The following CELF2 variants were observed in gnomAD, a reference collection of about 807,000 sequenced individuals.
CELF2 encodes the protein CUGBP Elav-like family member 2, also known as CUG triplet repeat RNA-binding protein 2.
CELF2 carries 8 observed loss-of-function variants against 62.6 expected under a neutral mutation model. The ratio of observed to expected loss-of-function variants is 0.13; its 90% CI spans 0.07 to 0.23. The LOEUF (loss-of-function observed/expected upper bound fraction) is 0.23. Among genes scored for constraint, CELF2 ranks in the 10% least tolerant of loss-of-function variants. The probability of loss-of-function intolerance (pLI) is 1.00; values close to 1 mark genes in which losing one functional copy is unlikely to be tolerated. For missense variants in CELF2, 333 were observed against 671.0 expected (o/e 0.50, Z 5.56); for synonymous variants, 258 against 250.0 (o/e 1.03, Z -0.30).
At chr10:10,891,051 A>C (rs1304464092) in intron 1 of CELF2, among the ~76,000 whole-genome samples, 1 of 144,958 alleles carries the variant, frequency 6.9e-6, no homozygotes, top group African/African-American at 2.6e-5. Flanking sequence ...ACAACAACAA[A>C]ACCCAGCCTA....
Position 11,329,436 on chromosome 10 carries a change from A to C in CELF2, c.*383A>C, listed in dbSNP as rs2095928966. 1 of 153,234 alleles carries C rather than the reference A, an allele frequency of 6.5e-6. No homozygotes were observed. 9.5% of individuals were successfully genotyped at this position (153,234 alleles called of 1,614,324 possible). A position where few individuals can be genotyped will look rare whatever the true frequency, so the allele number is the denominator to read the frequency against. The stretch of plus-strand genomic sequence containing the variant: ...GGCAAACAAACAAACGCTAATGTGC[A>C]ATTCTAACTCTGAAACCACTGGTGC... On this transcript the variant is annotated 3_prime_UTR_variant, in exon 13 of 13. Transcript: ENST00000633077. This position sits in a 1 kb window ranked among gnomAD's most constrained non-coding sequence, Gnocchi z 5.5.
chr10:10,971,343 C>T (rs900271621), intron 2 of CELF2, among the ~76,000 whole-genome samples: 7 of 152,212 alleles, frequency 4.6e-5, no homozygotes, highest in East Asian at 1.9e-4. Context: ...CTGTTGAGCA[C>T]GTACGCTTCC....
Position 11,178,165 on chromosome 10 carries a change from A to G in CELF2, c.271+12483A>G, listed in dbSNP as rs1432806047. Among the ~76,000 whole-genome samples the G allele has an allele frequency of 6.6e-6, 1 of 152,174 alleles. No individual in the cohort carries two copies. Among genetic ancestry groups the G allele is most frequent in the African/African-American group, 2.4e-5 (1 of 41,442 alleles). On this transcript the variant is annotated intron_variant, in intron 2 of 12. Coordinates refer to ENST00000633077, the MANE Select transcript of CELF2 (RefSeq NM_001326342.2). The surrounding 1 kb of genome is among the most constrained non-coding windows in gnomAD (Gnocchi z 4.3). ...GCAACCTGGTTCGGCGCAAAGAGGAAATGCGCGTTCTGTGCCCAGTCCTCG... is the reference window on the plus strand; with the variant it reads ...GCAACCTGGTTCGGCGCAAAGAGGAGATGCGCGTTCTGTGCCCAGTCCTCG...
chr10:10,649,014 G>T, the CELF2 span, among the ~76,000 whole-genome samples: 1 of 152,158 alleles, frequency 6.6e-6, no homozygotes, highest in Non-Finnish European at 1.5e-5. Context: ...TTGTAACTTT[G>T]CAAGGCTGAA....
At chr10:10,776,023 A>G in the CELF2 span, among the ~76,000 whole-genome samples, 2 of 152,354 alleles carry the variant, frequency 1.3e-5, no homozygotes, top group East Asian at 3.9e-4. Context: ...GAAATATACC[A>G]GATGTGCTCA....
chr10:11,200,601 G>A (rs2059003066), intron 2 of CELF2, among the ~76,000 whole-genome samples: 1 of 152,228 alleles, frequency 6.6e-6, no homozygotes, highest in Non-Finnish European at 1.5e-5. Flanking sequence ...ACATGGTGCA[G>A]GGTCTCCCTC....
chr10:11,068,140 T>C (rs2140862043), intron 1 of CELF2, among the ~76,000 whole-genome samples: 1 of 152,372 alleles, frequency 6.6e-6, no homozygotes, highest in South Asian at 2.1e-4. Context: ...GAGAACCTAC[T>C]GTGTGTCATG....
the CELF2 span, among the ~76,000 whole-genome samples, chr10:10,646,310 G>T: frequency 1.1e-4 from 17 of 152,192 alleles, no homozygotes; most frequent in Admixed American, 2.0e-4. Context: ...CATGAACAAA[G>T]ACAGAGTATG....
At chr10:10,939,915 C>G (rs1192225577) in intron 2 of CELF2, among the ~76,000 whole-genome samples, 1 of 152,134 alleles carries the variant, frequency 6.6e-6, no homozygotes. Flanking sequence ...GACCGCACCA[C>G]TGCACTCTAG....
chr10:10,767,935 G>A, the CELF2 span, among the ~76,000 whole-genome samples: 2 of 123,678 alleles, frequency 1.6e-5, no homozygotes, highest in Non-Finnish European at 3.2e-5. Flanking sequence ...GGCGGAGCTT[G>A]CAGTGAGCCG....
the CELF2 span, among the ~76,000 whole-genome samples, chr10:10,653,259 T>A: frequency 6.6e-6 from 1 of 151,686 alleles, no homozygotes; most frequent in African/African-American, 2.4e-5. Context: ...CTCCCACACA[T>A]TCATAATGGG....
rs574296538 is a variant in CELF2 at position 11,226,665 on chromosome 10, G to A, written c.354+9158G>A. On this transcript the variant is annotated intron_variant, in intron 3 of 12. Transcript: ENST00000633077. ...ACACGAGCTGGCCCTGCCACAGCAG[G>A]GGCATCGGGGCACCTGGCAGCGGCT... 5.3e-5 allele frequency among the ~76,000 whole-genome samples: 8 copies of A among 151,558 alleles called. No individual in the cohort carries two copies. In the East Asian group the frequency reaches 1.5e-3, roughly 29 times the overall value.
Position 11,222,908 on chromosome 10 carries a change from A to G in CELF2, c.354+5401A>G, listed in dbSNP as rs185812046. Reference sequence around the variant, plus strand: ...TTGTTTCATAGACACAGATCTATATATGTGTATGTCTATATGCCCATAAAC... The same window carrying G: ...TTGTTTCATAGACACAGATCTATATGTGTGTATGTCTATATGCCCATAAAC... On this transcript the variant is annotated intron_variant, in intron 3 of 12. Coordinates refer to ENST00000633077, the MANE Select transcript of CELF2 (RefSeq NM_001326342.2). 2.4e-3 allele frequency among the ~76,000 whole-genome samples: 373 copies of G among 152,358 alleles called. 3 individuals are homozygous for G. The highest frequency in any genetic ancestry group is 8.2e-3 in the African/African-American group (343 of 41,590).
At chr10:10,544,794 A>G in the CELF2 span, among the ~76,000 whole-genome samples, 4 of 152,366 alleles carry the variant, frequency 2.6e-5, no homozygotes, top group African/African-American at 7.2e-5. Flanking sequence ...CAGAGAAGGA[A>G]GAGTAAGGGA....
chr10:10,510,083 T>A, the CELF2 span, among the ~76,000 whole-genome samples: 1,246 of 152,368 alleles, frequency 8.2e-3, 16 homozygotes, highest in African/African-American at 0.029. Context: ...TGCTCCTTTT[T>A]CCTTGGAAAC....
At chr10:10,658,702 T>A in the CELF2 span, among the ~76,000 whole-genome samples, 2 of 152,202 alleles carry the variant, frequency 1.3e-5, no homozygotes, top group East Asian at 1.9e-4. Context: ...CATTCTATCT[T>A]GTTAAACTGA....
At chr10:10,594,276 C>T in the CELF2 span, among the ~76,000 whole-genome samples, 1 of 152,098 alleles carries the variant, frequency 6.6e-6, no homozygotes, top group Non-Finnish European at 1.5e-5. Context: ...TCAACTGGTA[C>T]AGTTAATGCA....
chr10:10,613,396 G>A, the CELF2 span, among the ~76,000 whole-genome samples: 1 of 152,120 alleles, frequency 6.6e-6, no homozygotes, highest in Non-Finnish European at 1.5e-5. Context: ...TTTCCGGAAG[G>A]CAATTGGGAG....
chr10:11,299,468 C>T (rs921168209), intron 9 of CELF2, among the ~76,000 whole-genome samples: 1 of 152,186 alleles, frequency 6.6e-6, no homozygotes, highest in Non-Finnish European at 1.5e-5. Context: ...CCAACCCCCC[C>T]CAGGAAGGCC....
Sources: gnomAD v4.1 joint callset for allele counts (sites outside exome capture counted in the v4.1 genomes callset) on GRCh38, gnomAD v4.1.1 for gene constraint, Gnocchi (gnomAD v3.1) non-coding constraint, MANE v1.5 for transcripts, NCBI Gene and HGNC (gene_info 2026-07-23, HGNC 2026-07-21) for gene names.